The following SH3GL2 variants were observed in gnomAD, a reference collection of about 807,000 sequenced individuals.
SH3GL2 encodes the protein SH3 domain containing GRB2 like 2, endophilin A1.
In SH3GL2, 24 loss-of-function variants were observed where a neutral mutation model predicts 46.0. The ratio of observed to expected loss-of-function variants is 0.52; its 90% CI spans 0.38 to 0.73. The LOEUF (loss-of-function observed/expected upper bound fraction) is 0.73, where lower values mean the gene tolerates loss of function less well. Among genes scored for constraint, SH3GL2 ranks in the 30% least tolerant of loss-of-function variants. The pLI, the probability that SH3GL2 is intolerant of heterozygous loss-of-function variation, is 0.00. For synonymous variants in SH3GL2, 196 were observed against 147.1 expected, an observed-to-expected ratio of 1.33 and a Z score of -2.40; for missense variants, 413 against 424.2, an observed-to-expected ratio of 0.97 and a Z score of 0.23.
chr9:17,686,230 C>T (rs1820906508), intron 1 of SH3GL2, among the ~76,000 whole-genome samples: 1 of 124,528 alleles, frequency 8.0e-6, no homozygotes, highest in African/African-American at 3.2e-5. Flanking sequence ...AAATCAAAAC[C>T]ACAATGAGAT....
chr9:17,583,281 C>G (rs1179228199), intron 1 of SH3GL2, among the ~76,000 whole-genome samples: 1 of 152,112 alleles, frequency 6.6e-6, no homozygotes, highest in African/African-American at 2.4e-5. Context: ...ATGTGTCCCT[C>G]TAAAATACGT....
chr9:17,678,653 A>G (rs982343108), intron 1 of SH3GL2, among the ~76,000 whole-genome samples: 19 of 151,976 alleles, frequency 1.3e-4, no homozygotes, highest in Admixed American at 5.9e-4. Context: ...CCATTTGTCA[A>G]TTTTGTCTTT....
chr9:17,590,481 T>C (rs1481392954), intron 1 of SH3GL2: 1 of 152,220 alleles, frequency 6.6e-6, no homozygotes, highest in African/African-American at 2.4e-5. Flanking sequence ...ACAGTAAAAC[T>C]GTTTTCCATT....
rs560934660 is a variant in SH3GL2, at chr9:17,785,176, G to T, written c.188-1205G>T. Among the ~76,000 whole-genome samples, 46 of 152,218 alleles carry T rather than the reference G, an allele frequency of 3.0e-4. No homozygotes were observed. The South Asian group carries it at 9.5e-3, about 32-fold the overall frequency. On this transcript the variant is annotated intron_variant, in intron 3 of 8. Coordinates refer to ENST00000380607, the MANE Select transcript of SH3GL2 (RefSeq NM_003026.5). ...TAAACTTAAAGATACTTCCCTCCAG[G>T]AATCCTTTGCGATGCCCCTCCCCAA...
rs373845986 is a variant in SH3GL2 at position 17,596,202 on chromosome 9, A to G, written c.45+16915A>G. Among the ~76,000 whole-genome samples, 9 of 152,340 alleles carry G rather than the reference A, an allele frequency of 5.9e-5. No individual in the cohort carries two copies. In the East Asian group the frequency reaches 9.6e-4, roughly 16 times the overall value. On this transcript the variant is annotated intron_variant, in intron 1 of 8. Transcript: ENST00000380607. Reference sequence around the variant, plus strand: ...TATTGGAACACCTGCCCTGCCCTCCATAGAGCCCTGAATTAAATTGTGCTG... The same window carrying G: ...TATTGGAACACCTGCCCTGCCCTCCGTAGAGCCCTGAATTAAATTGTGCTG...
chr9:17,615,017 A>T (rs778722204), intron 1 of SH3GL2, among the ~76,000 whole-genome samples: 5 of 152,150 alleles, frequency 3.3e-5, no homozygotes, highest in Non-Finnish European at 7.4e-5. Context: ...GACTAGAGTG[A>T]GCATGTCCTC....
At chr9:17,731,806 C>A (rs1365891829) in intron 1 of SH3GL2, among the ~76,000 whole-genome samples, 1 of 152,090 alleles carries the variant, frequency 6.6e-6, no homozygotes, top group Non-Finnish European at 1.5e-5. Flanking sequence ...TCTCTCCCTC[C>A]CTCTCTGATT....
chr9:17,669,811 C>T (rs1480260000), intron 1 of SH3GL2, among the ~76,000 whole-genome samples: 1 of 152,010 alleles, frequency 6.6e-6, no homozygotes, highest in Non-Finnish European at 1.5e-5. Context: ...TCTGGGGTGA[C>T]GCTCAGAATT....
chr9:17,740,076 T>C (rs1321554481), intron 1 of SH3GL2, among the ~76,000 whole-genome samples: 1 of 152,138 alleles, frequency 6.6e-6, no homozygotes, highest in African/African-American at 2.4e-5. Flanking sequence ...GGGAACATCA[T>C]TGTTTTTTAT....
Position 17,647,075 on chromosome 9 carries a change from G to T in SH3GL2, c.45+67788G>T, listed in dbSNP as rs113123341. 4.2e-4 allele frequency among the ~76,000 whole-genome samples: 64 copies of T among 152,198 alleles called. 1 individual carries two copies. Among genetic ancestry groups the T allele is most frequent in the Non-Finnish European group, 8.8e-5 (6 of 68,042 alleles). ...CCTTTCCTCAGAGATGCCCTGCCCAGAGAGGAGGAATCCAGAGAGGCAGTA... is the reference window on the plus strand; with the variant it reads ...CCTTTCCTCAGAGATGCCCTGCCCATAGAGGAGGAATCCAGAGAGGCAGTA... On this transcript the variant is annotated intron_variant, in intron 1 of 8. Transcript: ENST00000380607.
At chr9:17,772,770 A>G (rs1192174403) in intron 3 of SH3GL2, among the ~76,000 whole-genome samples, 1 of 152,168 alleles carries the variant, frequency 6.6e-6, no homozygotes, top group Admixed American at 6.5e-5. Context: ...TTGCTTTCAC[A>G]TTTTAGCTAT....
chr9:17,598,043 C>T (rs778916223), intron 1 of SH3GL2, among the ~76,000 whole-genome samples: 9 of 152,150 alleles, frequency 5.9e-5, no homozygotes, highest in Non-Finnish European at 1.2e-4. Context: ...TAGAATTTGT[C>T]ACAGGTGCAG....
At chr9:17,614,275 A>T (rs1818934244) in intron 1 of SH3GL2, among the ~76,000 whole-genome samples, 1 of 135,350 alleles carries the variant, frequency 7.4e-6, no homozygotes, top group Non-Finnish European at 1.5e-5. Flanking sequence ...TGTGTGTGAC[A>T]GGGAACATGC....
At chr9:17,728,170 C>T (rs10117878) in intron 1 of SH3GL2, among the ~76,000 whole-genome samples, 44,372 of 151,998 alleles carry the variant, frequency 0.29, 7,743 homozygotes, top group African/African-American at 0.48. Context: ...AGTCTTCCTC[C>T]TTGACTTTTC....
chr9:17,616,123 G>A (rs746975453), intron 1 of SH3GL2, among the ~76,000 whole-genome samples: 1 of 152,138 alleles, frequency 6.6e-6, no homozygotes, highest in African/African-American at 2.4e-5. Flanking sequence ...CAGCCTTAAT[G>A]TTTTAGGGAA....
At position 17,602,834 on chromosome 9, in the gene SH3GL2, TAAAG is replaced by T. The variant is rs560652390; in HGVS notation, c.45+23551_45+23554del. Among the ~76,000 whole-genome samples the T allele has an allele frequency of 7.6e-3, 1,156 of 152,338 alleles. 11 individuals carry two copies. Among genetic ancestry groups the T allele is most frequent in the Non-Finnish European group, 9.1e-3 (618 of 68,028 alleles). ...TTTTAATGTTTAACTGCAGGATGCT[TAAAG>T]AAATCCTACAATTATTGTAGACATT... On this transcript the variant is annotated intron_variant, in intron 1 of 8. Transcript: ENST00000380607.
At chr9:17,683,002 ACTTTT>A (rs1369259120) in intron 1 of SH3GL2, among the ~76,000 whole-genome samples, 1 of 152,082 alleles carries the variant, frequency 6.6e-6, no homozygotes, top group Non-Finnish European at 1.5e-5. Flanking sequence ...ATACAAAATG[ACTTTT>A]CTTGGTCTCA....
chr9:17,774,907 A>ATCCTAGG (rs71333009), intron 3 of SH3GL2, among the ~76,000 whole-genome samples: 23,292 of 151,974 alleles, frequency 0.15, 2,251 homozygotes, highest in Middle Eastern at 0.26. Flanking sequence ...AAGCCATCAG[A>ATCCTAGG]TCCTAGGCTT....
rs116711826 is a variant in SH3GL2 at position 17,624,625 on chromosome 9, G to C, written c.45+45338G>C. 6.4e-3 allele frequency among the ~76,000 whole-genome samples: 976 copies of C among 152,228 alleles called. 14 individuals carry two copies. Among genetic ancestry groups the C allele is most frequent in the African/African-American group, 0.022 (920 of 41,532 alleles). ...TGAGCCCTCAATCAAATTTGAGTTG[G>C]CTAGTGGGGGCCCCTTCAAGATGGC... is the stretch of plus-strand genomic sequence containing the variant. On this transcript the variant is annotated intron_variant, in intron 1 of 8. Transcript: ENST00000380607.
Sources: allele counts gnomAD v4.1 joint callset (sites outside exome capture counted in the v4.1 genomes callset), GRCh38; gene constraint gnomAD v4.1.1; transcripts MANE v1.5; gene names NCBI Gene and HGNC (gene_info 2026-07-23, HGNC 2026-07-21).